The following DNAJC16 variants were observed in gnomAD, a reference collection of about 807,000 sequenced individuals.
The protein encoded by DNAJC16 is dnaJ homolog subfamily C member 16.
Under a neutral mutation model 92.7 loss-of-function variants are expected in DNAJC16, and 76 were observed. The observed-to-expected ratio is 0.82, with a 90% CI of 0.68 to 0.99. The LOEUF is 0.99. Ranked by LOEUF, DNAJC16 falls within the 50% of genes least tolerant of loss-of-function variation. DNAJC16 has a pLI of 0.00. For missense variants in DNAJC16, 869 were observed against 942.4 expected, an observed-to-expected ratio of 0.92 and a Z score of 1.02; for synonymous variants, 328 against 358.7, an observed-to-expected ratio of 0.91 and a Z score of 0.97.
chr1:15,530,948 A>G (rs1436277704), intron 2 of DNAJC16, among the ~76,000 whole-genome samples: 1 of 152,188 alleles, frequency 6.6e-6, no homozygotes, highest in African/African-American at 2.4e-5. Context: ...TCGGCCTCCC[A>G]AAGTGCTGGG....
In DNAJC16 at chr1:15,568,709, T is replaced by A. The variant is rs534766733; in HGVS notation, c.*532T>A. Reference sequence around the variant, plus strand: ...TCCAAGCAATCTCACGTTTACTGGTTGTTCTGGGAGTAAGTGGCTAAATGT... The same window carrying A: ...TCCAAGCAATCTCACGTTTACTGGTAGTTCTGGGAGTAAGTGGCTAAATGT... On this transcript the variant is annotated 3_prime_UTR_variant, in exon 15 of 15. Coordinates refer to ENST00000375847, the MANE Select transcript of DNAJC16 (RefSeq NM_015291.4). The A allele has an allele frequency of 2.0e-5, 8 of 398,986 alleles. No homozygotes were observed. The highest frequency in any genetic ancestry group is 3.1e-5 in the Non-Finnish European group (7 of 226,446). The allele number at this position is 398,986 out of a possible 1,614,324, so 24.7% of individuals were successfully genotyped here.
Position 15,544,438 on chromosome 1 carries a change from G to C in DNAJC16, c.614G>C (p.Arg205Pro), listed in dbSNP as rs756488016. 6.2e-7 allele frequency: 1 copy of C among 1,613,942 alleles called. No homozygotes were observed. The highest frequency in any genetic ancestry group is 8.5e-7 in the Non-Finnish European group (1 of 1,179,956). Reference protein sequence around the residue: ...IGVVHAGYERRLAHHLGAHST... With the variant: ...IGVVHAGYERPLAHHLGAHST... ...GTGGTCCATGCTGGGTATGAGAGAC[G>C]CCTGGCCCATCACCTAGGGGCACAC... Residue 205 changes from arginine to proline, a missense_variant, in exon 5 of 15, where the codon CGC becomes CCC. Coordinates refer to ENST00000375847, the MANE Select transcript of DNAJC16 (RefSeq NM_015291.4).
intron 14 of DNAJC16, 89 bp downstream of exon 14, chr1:15,567,358 G>C (rs1276219169): frequency 2.1e-6 from 3 of 1,404,464 alleles, no homozygotes; most frequent in East Asian, 2.3e-5. Context: ...CTTTGGTCTT[G>C]TGGGGCTTCA....
rs1638860382 is a variant in DNAJC16 at position 15,568,046 on chromosome 1, G to A, written c.2218G>A (p.Gly740Arg). Reference protein sequence around the residue: ...DSSLYLGESRGKPSCGLGSRP... With the variant: ...DSSLYLGESRRKPSCGLGSRP... ...TTCCCTCTACCTGGGTGAATCTCGA[G>A]GGAAACCTTCCTGTGGCCTTGGATC... Residue 740 changes from glycine (G) to arginine (R), a missense_variant, in exon 15 of 15, where the codon GGG becomes AGG. Physicochemically the swap from Gly to Arg is moderately radical, Grantham distance 125. Coordinates refer to ENST00000375847, the MANE Select transcript of DNAJC16 (RefSeq NM_015291.4). 1 of 1,614,092 alleles carries A rather than the reference G, an allele frequency of 6.2e-7. No individual in the cohort carries two copies. Among genetic ancestry groups the A allele is most frequent in the Non-Finnish European group, 8.5e-7 (1 of 1,180,056 alleles).
Position 15,531,668 on chromosome 1 carries a change from A to C in DNAJC16, c.167+2396A>C, listed in dbSNP as rs142871237. Among the ~76,000 whole-genome samples, 435 of 152,308 alleles carry C rather than the reference A, an allele frequency of 2.9e-3. 3 individuals carry two copies. Among genetic ancestry groups the C allele is most frequent in the African/African-American group, 9.7e-3 (403 of 41,558 alleles). ...TGTTATGATATTAATTAAATGAGTCATATTCTTCTCTTTTTTAATTAGATT... is the reference window on the plus strand; with the variant it reads ...TGTTATGATATTAATTAAATGAGTCCTATTCTTCTCTTTTTTAATTAGATT... On this transcript the variant is annotated intron_variant, in intron 2 of 14. Coordinates refer to ENST00000375847, the MANE Select transcript of DNAJC16 (RefSeq NM_015291.4).
intron 5 of DNAJC16, among the ~76,000 whole-genome samples, chr1:15,546,140 AC>A (rs1638297412): frequency 6.6e-6 from 1 of 152,128 alleles, no homozygotes; most frequent in African/African-American, 2.4e-5. Context: ...CCCAATCTCT[AC>A]AAAAAATGCA....
At chr1:15,545,263 A>G (rs1364119174) in intron 5 of DNAJC16, among the ~76,000 whole-genome samples, 1 of 152,222 alleles carries the variant, frequency 6.6e-6, no homozygotes, top group East Asian at 1.9e-4. Flanking sequence ...GAATACAGGG[A>G]AAGTGAACAT....
chr1:15,544,723 ATTAC>A (rs1048203953), intron 5 of DNAJC16, 140 bp downstream of exon 5: 15 of 780,916 alleles, frequency 1.9e-5, no homozygotes, highest in East Asian at 1.1e-4. Context: ...TAATTAATTA[ATTAC>A]TCAAACTAAA....
chr1:15,543,154 G>A (rs913259096), intron 4 of DNAJC16, among the ~76,000 whole-genome samples: 1 of 152,154 alleles, frequency 6.6e-6, no homozygotes, highest in African/African-American at 2.4e-5. Context: ...ATTCTAGAAG[G>A]GGAGACAGAC....
In DNAJC16 at chr1:15,565,967, C is replaced by T. The variant is rs747084634; in HGVS notation, c.1647C>T (p.Ile549=). ...LLSLIFSALF[I]LFGTVIVQAF... ...CCCTGATCTTCTCTGCCCTCTTCAT[C>T]CTCTTCGGCACTGTCATCGTTCAGG... Residue 549 remains isoleucine (I), a synonymous_variant, in exon 12 of 15, where the codon ATC becomes ATT. Coordinates refer to ENST00000375847, the MANE Select transcript of DNAJC16 (RefSeq NM_015291.4). The T allele has an allele frequency of 3.1e-6, 5 of 1,613,742 alleles. No homozygotes were observed. The highest frequency in any genetic ancestry group is 2.2e-5 in the East Asian group (1 of 44,864).
chr1:15,561,103 TTCA>T (rs1638680234), intron 8 of DNAJC16, among the ~76,000 whole-genome samples: 1 of 151,826 alleles, frequency 6.6e-6, no homozygotes, highest in Non-Finnish European at 1.5e-5. Flanking sequence ...CTGTCCCCTT[TTCA>T]TCTTTTTTTT....
chr1:15,565,748 C>G (rs1638791577), intron 11 of DNAJC16, 171 bp from the exon 12 acceptor site: 1 of 662,468 alleles, frequency 1.5e-6, no homozygotes, highest in Non-Finnish European at 2.7e-6. Context: ...ACTGAGCAAT[C>G]TCTACCTTCC....
intron 6 of DNAJC16, among the ~76,000 whole-genome samples, chr1:15,547,987 G>A (rs938471620): frequency 3.9e-5 from 6 of 152,164 alleles, no homozygotes; most frequent in Non-Finnish European, 8.8e-5. Context: ...TACGGTACAG[G>A]TAATCCCCAA....
At chr1:15,565,324 A>C (rs1278755299) in intron 11 of DNAJC16, 1 of 156,132 alleles carries the variant, frequency 6.4e-6, no homozygotes, top group African/African-American at 2.4e-5. Context: ...ATTAACCTCA[A>C]GAGGGATACC....
In DNAJC16 at chr1:15,547,206, G is replaced by A. The variant is rs549879188; in HGVS notation, c.864+335G>A. Among the ~76,000 whole-genome samples, 30 of 150,280 alleles carry A rather than the reference G, an allele frequency of 2.0e-4. No individual in the cohort carries two copies. The South Asian group carries it at 4.6e-3, about 23-fold the overall frequency. On this transcript the variant is annotated intron_variant, in intron 6 of 14. Coordinates refer to ENST00000375847, the MANE Select transcript of DNAJC16 (RefSeq NM_015291.4). ...GTCGCCCAGGCTGGAGTGCAGTGGC[G>A]CGATCTCCTCGGCTCACTGCAGCCT... is the stretch of plus-strand genomic sequence containing the variant.
chr1:15,544,578 G>A lies in DNAJC16; in HGVS notation c.754G>A (p.Glu252Lys), dbSNP rs768124557. 18 of 1,613,906 alleles carry A rather than the reference G, an allele frequency of 1.1e-5. No homozygotes were observed. Among genetic ancestry groups the A allele is most frequent in the Non-Finnish European group, 2.5e-6 (3 of 1,179,950 alleles). Residue 252 changes from glutamate (E) to lysine (K), a missense_variant, in exon 5 of 15, where the codon GAG becomes AAG. Transcript: ENST00000375847. ...AAGTCTTCTTCCAGGGAACTTGGTG[G>A]AGAAAGTAAGTATCTGTCAAGGAAA... is the stretch of plus-strand genomic sequence containing the variant. Reference protein sequence around the residue: ...VESLLPGNLVEKVTNKNYVRF... With the variant: ...VESLLPGNLVKKVTNKNYVRF...
At chr1:15,539,341 G>T (rs1347765835) in intron 4 of DNAJC16, among the ~76,000 whole-genome samples, 1 of 151,784 alleles carries the variant, frequency 6.6e-6, no homozygotes, top group African/African-American at 2.4e-5. Flanking sequence ...CGCCTCCCAG[G>T]TTCACACCGT....
chr1:15,548,777 G>T (rs1281536995), intron 7 of DNAJC16, among the ~76,000 whole-genome samples: 1 of 152,064 alleles, frequency 6.6e-6, no homozygotes, highest in Non-Finnish European at 1.5e-5. Context: ...CTTAAGGTAG[G>T]AAAGGGTTAA....
At chr1:15,558,016 G>T (rs2103422644) in intron 7 of DNAJC16, among the ~76,000 whole-genome samples, 1 of 152,026 alleles carries the variant, frequency 6.6e-6, no homozygotes, top group South Asian at 2.1e-4. Context: ...GAGTAGCTGG[G>T]ACTAAGGCCA....
Sources: gnomAD v4.1 joint callset for allele counts (sites outside exome capture counted in the v4.1 genomes callset) on GRCh38, gnomAD v4.1.1 for gene constraint, MANE v1.5 for transcripts, NCBI Gene and HGNC (gene_info 2026-07-23, HGNC 2026-07-21) for gene names.